TCF12: variants seen among roughly 807,000 people sequenced by gnomAD.
TCF12 encodes DNA-binding protein HTF4.
In TCF12, 45 loss-of-function variants were observed where a neutral mutation model predicts 86.0. That is an observed-to-expected ratio of 0.52 (90% CI 0.41 to 0.67). The LOEUF (loss-of-function observed/expected upper bound fraction) is 0.67. TCF12 is among the 30% of genes least tolerant of loss of function. TCF12 has a pLI of 0.00. For synonymous variants in TCF12, 330 were observed against 299.6 expected (o/e 1.10, Z -1.05); for missense variants, 881 against 859.9 (o/e 1.02, Z -0.31).
At position 57,150,106 on chromosome 15, in the gene TCF12, G is replaced by A. The variant is rs567967978; in HGVS notation, c.326-16296G>A. Among the ~76,000 whole-genome samples, 11 of 152,250 alleles carry A rather than the reference G, an allele frequency of 7.2e-5. No homozygotes were observed. In the East Asian group the frequency reaches 7.7e-4, roughly 11 times the overall value. On this transcript the variant is annotated intron_variant, in intron 5 of 20. Transcript: ENST00000333725. ...CAGCAAAAAGACGAGATAATCAAAC[G>A]CAGCCTGGCAGTCTTTGTGAGTTGA...
chr15:57,273,857 G>C (rs145734874), intron 19 of TCF12, among the ~76,000 whole-genome samples: 155 of 152,212 alleles, frequency 1.0e-3, no homozygotes, highest in Non-Finnish European at 2.0e-3. Flanking sequence ...AGCTCACCCA[G>C]TGCTGACTCA....
intron 3 of TCF12, among the ~76,000 whole-genome samples, chr15:56,941,245 A>T (rs182621520): frequency 6.6e-6 from 1 of 152,102 alleles, no homozygotes; most frequent in African/African-American, 2.4e-5. Context: ...ATGTACTTGT[A>T]GTCCCAGCTA....
chr15:56,991,040 C>G (rs570631151), intron 3 of TCF12, among the ~76,000 whole-genome samples: 19 of 152,256 alleles, frequency 1.2e-4, no homozygotes, highest in African/African-American at 4.1e-4. Flanking sequence ...AATCAGTCCT[C>G]CCACCTCAGC....
intron 5 of TCF12, among the ~76,000 whole-genome samples, chr15:57,135,064 G>A (rs568605970): frequency 6.6e-6 from 1 of 152,218 alleles, no homozygotes; most frequent in African/African-American, 2.4e-5. Context: ...TTCCTTTGTT[G>A]AATGTGTACC....
intron 3 of TCF12, among the ~76,000 whole-genome samples, chr15:56,971,391 G>GACT (rs1392660700): frequency 6.6e-6 from 1 of 151,902 alleles, no homozygotes. Context: ...CACGCCACTG[G>GACT]ACTACAGCCT....
intron 3 of TCF12, among the ~76,000 whole-genome samples, chr15:57,037,140 G>A (rs2066552537): frequency 6.6e-6 from 1 of 152,122 alleles, no homozygotes; most frequent in African/African-American, 2.4e-5. Context: ...ATGACATCCT[G>A]TGCAGATTTA....
intron 4 of TCF12, among the ~76,000 whole-genome samples, chr15:57,077,378 TATA>T (rs1163778389): frequency 1.1e-5 from 1 of 94,340 alleles, no homozygotes; most frequent in African/African-American, 6.2e-5. Context: ...TGTGTGTATA[TATA>T]TTTTTTTTTT....
At chr15:57,026,793 G>A (rs2065850930) in intron 3 of TCF12, among the ~76,000 whole-genome samples, 1 of 151,918 alleles carries the variant, frequency 6.6e-6, no homozygotes, top group Non-Finnish European at 1.5e-5. Context: ...TTGGTTCCAG[G>A]ACCCCTGCAG....
chr15:57,190,936 C>T (rs1156425263), intron 6 of TCF12, among the ~76,000 whole-genome samples: 1 of 152,090 alleles, frequency 6.6e-6, no homozygotes, highest in Admixed American at 6.5e-5. Flanking sequence ...TGAATTTTAT[C>T]AGAGATAAAT....
chr15:57,126,447 A>G (rs1446619859), intron 5 of TCF12, among the ~76,000 whole-genome samples: 2 of 152,144 alleles, frequency 1.3e-5, no homozygotes, highest in African/African-American at 2.4e-5. Flanking sequence ...TCTACTCTCC[A>G]TCCTCTCCAG....
At chr15:57,087,076 CCT>C (rs2048691777) in intron 4 of TCF12, among the ~76,000 whole-genome samples, 1 of 143,012 alleles carries the variant, frequency 7.0e-6, no homozygotes, top group African/African-American at 2.8e-5. Flanking sequence ...CCTCTCTCTC[CCT>C]CTGTCTCCCT....
chr15:56,974,835 A>G (rs1394373514), intron 3 of TCF12, among the ~76,000 whole-genome samples: 1 of 151,878 alleles, frequency 6.6e-6, no homozygotes, highest in Non-Finnish European at 1.5e-5. Flanking sequence ...TTTCTAAGTG[A>G]TTTTTATGAA....
At chr15:57,068,630 A>G (rs1283423272) in intron 4 of TCF12, among the ~76,000 whole-genome samples, 1 of 152,176 alleles carries the variant, frequency 6.6e-6, no homozygotes, top group Non-Finnish European at 1.5e-5. Flanking sequence ...TTTGCTGAAT[A>G]TAATCAAATT....
intron 3 of TCF12, among the ~76,000 whole-genome samples, chr15:57,025,325 TGCCTCA>T (rs2065760463): frequency 6.6e-6 from 1 of 152,150 alleles, no homozygotes. Context: ...AGTGATCGCC[TGCCTCA>T]GCCTTGCAAA....
chr15:56,929,563 A>G (rs2060159286), intron 3 of TCF12, among the ~76,000 whole-genome samples: 1 of 152,116 alleles, frequency 6.6e-6, no homozygotes, highest in African/African-American at 2.4e-5. Context: ...GACCATGGTG[A>G]GTCATCCAAG....
At chr15:57,267,491 A>G (rs1376969076) in intron 18 of TCF12, among the ~76,000 whole-genome samples, 1 of 152,326 alleles carries the variant, frequency 6.6e-6, no homozygotes, top group Admixed American at 6.5e-5. Flanking sequence ...TCTTTCCTCC[A>G]TATTCATCTT....
chr15:57,149,140 A>G (rs1438984401), intron 5 of TCF12, among the ~76,000 whole-genome samples: 1 of 152,238 alleles, frequency 6.6e-6, no homozygotes, highest in African/African-American at 2.4e-5. Flanking sequence ...ATAAATGTAA[A>G]TATGACGTAG....
rs1177544594 is a variant in TCF12, at chr15:57,064,795, C to CAAAAAAAAAAAAAAA, written c.222+976_222+990dup. On this transcript the variant is annotated intron_variant, in intron 4 of 20. Transcript: ENST00000333725. ...TGGGCCACAGAGTGAGACTCCATCT[C>CAAAAAAAAAAAAAAA]AAAAAAAAAAAAAAAAAAGAGAGAG... Among the ~76,000 whole-genome samples, 17 of 78,062 alleles carry CAAAAAAAAAAAAAAA rather than the reference C, an allele frequency of 2.2e-4. 1 individual carries two copies. The highest frequency in any genetic ancestry group is 1.0e-3 in the African/African-American group (14 of 13,708). 51.2% of individuals were successfully genotyped at this position (78,062 alleles called of 152,430 possible). A position where few individuals can be genotyped will look rare whatever the true frequency, so the allele number is the denominator to read the frequency against.
chr15:56,935,616 C>T (rs907364099), intron 3 of TCF12, among the ~76,000 whole-genome samples: 1 of 152,090 alleles, frequency 6.6e-6, no homozygotes, highest in Non-Finnish European at 1.5e-5. Flanking sequence ...AGTCTTTTAT[C>T]CCTCACCGCC....
Sources: allele counts gnomAD v4.1 joint callset (sites outside exome capture counted in the v4.1 genomes callset), GRCh38; gene constraint gnomAD v4.1.1; transcripts MANE v1.5; gene names NCBI Gene and HGNC (gene_info 2026-07-23, HGNC 2026-07-21).